IL1RAPL1: variants seen among roughly 807,000 people sequenced by gnomAD.
IL1RAPL1 encodes interleukin 1 receptor accessory protein like 1.
Under a neutral mutation model 48.4 loss-of-function variants are expected in IL1RAPL1, and 3 were observed. The ratio of observed to expected loss-of-function variants is 0.06; its 90% confidence interval spans 0.03 to 0.16. The LOEUF (loss-of-function observed/expected upper bound fraction) is 0.16, where lower values mean the gene tolerates loss of function less well. Among genes scored for constraint, IL1RAPL1 ranks in the 10% least tolerant of loss-of-function variants. The probability of loss-of-function intolerance (pLI) is 1.00; values close to 1 mark genes in which losing one functional copy is unlikely to be tolerated. For synonymous variants in IL1RAPL1, 185 were observed against 187.7 expected (o/e 0.99, Z 0.12); for missense variants, 349 against 530.6 (o/e 0.66, Z 3.36).
intron 5 of IL1RAPL1, among the ~76,000 whole-genome samples, chrX:29,663,031 C>A (rs1325964695): frequency 8.9e-6 from 1 of 112,457 alleles, no homozygotes; most frequent in Non-Finnish European, 1.9e-5. Context: ...TTTCCTTCTT[C>A]TGCAAGGACC....
chrX:28,973,892 T>C (rs183285119), intron 2 of IL1RAPL1, among the ~76,000 whole-genome samples: 13 of 112,489 alleles, frequency 1.2e-4, no homozygotes, highest in African/African-American at 3.2e-4. Flanking sequence ...AACCACGTAC[T>C]TTCCCTGTTC....
intron 3 of IL1RAPL1, among the ~76,000 whole-genome samples, chrX:29,335,656 C>T (rs1372867883): frequency 9.0e-6 from 1 of 110,686 alleles, no homozygotes; most frequent in African/African-American, 3.3e-5. Flanking sequence ...TATGTTAGAA[C>T]CGCAGCTTAT....
chrX:28,798,332 T>C (rs1310161841), intron 2 of IL1RAPL1, among the ~76,000 whole-genome samples: 1 of 112,036 alleles, frequency 8.9e-6, no homozygotes, highest in Non-Finnish European at 1.9e-5. Context: ...ATCTTACTGA[T>C]GTTTTAACAA....
At chrX:28,979,496 C>A (rs1458452757) in intron 2 of IL1RAPL1, among the ~76,000 whole-genome samples, 1 of 111,602 alleles carries the variant, frequency 9.0e-6, no homozygotes, top group Admixed American at 9.5e-5. Context: ...TTGTGCAGAG[C>A]CAATTCAATT....
chrX:29,235,626 G>T (rs1302111444), intron 2 of IL1RAPL1, among the ~76,000 whole-genome samples: 1 of 111,614 alleles, frequency 9.0e-6, no homozygotes, highest in Non-Finnish European at 1.9e-5. Flanking sequence ...AACAAATTAT[G>T]TAAGAAACAC....
chrX:28,603,867 C>T (rs148694082), intron 1 of IL1RAPL1, among the ~76,000 whole-genome samples: 4,744 of 112,289 alleles, frequency 0.042, 95 homozygotes, highest in Admixed American at 0.07. Flanking sequence ...AGCGTTTATT[C>T]CATCCCTCAT....
chrX:29,449,093 G>A (rs918549026), intron 5 of IL1RAPL1, among the ~76,000 whole-genome samples: 4 of 111,030 alleles, frequency 3.6e-5, no homozygotes, highest in Admixed American at 9.7e-5. Flanking sequence ...ATAACAACAG[G>A]TGTTACCATA....
intron 5 of IL1RAPL1, among the ~76,000 whole-genome samples, chrX:29,550,470 C>T (rs764471147): frequency 5.4e-5 from 6 of 112,065 alleles, no homozygotes; most frequent in South Asian, 7.4e-4. Flanking sequence ...TGAGCCACTG[C>T]GCCCGGCCTA....
intron 2 of IL1RAPL1, among the ~76,000 whole-genome samples, chrX:29,128,457 C>T (rs1380785351): frequency 3.6e-5 from 4 of 111,295 alleles, no homozygotes; most frequent in African/African-American, 9.8e-5. Flanking sequence ...TTGCTTGGCT[C>T]GCCTTGCCTC....
intron 2 of IL1RAPL1, among the ~76,000 whole-genome samples, chrX:28,957,279 A>G: frequency 8.9e-6 from 1 of 111,993 alleles, no homozygotes; most frequent in Non-Finnish European, 1.9e-5. Context: ...AACTTAAAGT[A>G]TAATAATAAA....
At chrX:28,967,483 A>C (rs1483466357) in intron 2 of IL1RAPL1, among the ~76,000 whole-genome samples, 2 of 111,164 alleles carry the variant, frequency 1.8e-5, no homozygotes. Flanking sequence ...TTAAAAAAAA[A>C]TTCTACTTTC....
chrX:29,703,894 AAACT>A (rs760395037), intron 6 of IL1RAPL1, among the ~76,000 whole-genome samples: 4 of 111,426 alleles, frequency 3.6e-5, no homozygotes, highest in Admixed American at 9.6e-5. Context: ...GACTTTTTAA[AAACT>A]AACAATGCTA....
intron 2 of IL1RAPL1, among the ~76,000 whole-genome samples, chrX:28,823,352 C>T (rs754560103): frequency 9.9e-5 from 11 of 111,344 alleles, no homozygotes; most frequent in Admixed American, 8.6e-4. Flanking sequence ...ATCTCATTCT[C>T]CTTGATTGCC....
At chrX:28,943,412 A>G (rs1452279895) in intron 2 of IL1RAPL1, among the ~76,000 whole-genome samples, 1 of 110,263 alleles carries the variant, frequency 9.1e-6, no homozygotes, top group Non-Finnish European at 1.9e-5. Flanking sequence ...TGAACATAAG[A>G]ATAATCTATC....
Position 29,028,490 on chromosome X carries a change from G to A in IL1RAPL1, c.82+239065G>A, listed in dbSNP as rs191364421. On this transcript the variant is annotated intron_variant, in intron 2 of 10. Transcript: ENST00000378993. Reference sequence around the variant, plus strand: ...TTTAGTAGAGACGGGGTTTCACCATGTTGGCCAGGATGGTCTCGATCTCTT... The same window carrying A: ...TTTAGTAGAGACGGGGTTTCACCATATTGGCCAGGATGGTCTCGATCTCTT... Among the ~76,000 whole-genome samples the A allele has an allele frequency of 8.7e-3, 957 of 109,464 alleles. 9 individuals carry two copies. Among genetic ancestry groups the A allele is most frequent in the Non-Finnish European group, 0.013 (658 of 52,581 alleles).
chrX:29,645,276 A>G (rs746140943), intron 5 of IL1RAPL1, among the ~76,000 whole-genome samples: 18 of 111,848 alleles, frequency 1.6e-4, no homozygotes, highest in Middle Eastern at 4.6e-3. Context: ...CTATCCATGC[A>G]TGAAAACATC....
chrX:29,251,557 A>G (rs1238635766), intron 2 of IL1RAPL1, among the ~76,000 whole-genome samples: 1 of 111,669 alleles, frequency 9.0e-6, no homozygotes, highest in Non-Finnish European at 1.9e-5. Flanking sequence ...ATGTTATATT[A>G]TAGGATGTCA....
chrX:29,088,166 T>C (rs1927995951), intron 2 of IL1RAPL1, among the ~76,000 whole-genome samples: 1 of 112,389 alleles, frequency 8.9e-6, no homozygotes, highest in Non-Finnish European at 1.9e-5. Context: ...CGTGCTGGAC[T>C]CACTATTTTA....
chrX:29,904,912 G>A (rs56077008), intron 6 of IL1RAPL1, among the ~76,000 whole-genome samples: 5,742 of 111,467 alleles, frequency 0.052, 149 homozygotes, highest in Admixed American at 0.097. Flanking sequence ...TGGGTCAAGC[G>A]GTATTTCTGG....
Sources: allele counts gnomAD v4.1 joint callset (sites outside exome capture counted in the v4.1 genomes callset), GRCh38; gene constraint gnomAD v4.1.1; transcripts MANE v1.5; gene names NCBI Gene and HGNC (gene_info 2026-07-23, HGNC 2026-07-21).